The following DLGAP2 variants were observed in gnomAD, a reference collection of about 807,000 sequenced individuals.
DLGAP2 encodes the protein disks large-associated protein 2.
Under a neutral mutation model 100.3 loss-of-function variants are expected in DLGAP2, and 26 were observed. The observed-to-expected ratio is 0.26, with a 90% CI of 0.19 to 0.36. DLGAP2 has a LOEUF of 0.36. DLGAP2 is among the 10% of genes least tolerant of loss of function. The pLI, the probability that DLGAP2 is intolerant of heterozygous loss-of-function variation, is 1.00. For missense variants in DLGAP2, 1,858 were observed against 1,453.2 expected (o/e 1.28, Z -4.53); for synonymous variants, 886 against 630.1 (o/e 1.41, Z -6.08).
At chr8:946,044 G>T (rs952689992) in intron 2 of DLGAP2, among the ~76,000 whole-genome samples, 1 of 151,848 alleles carries the variant, frequency 6.6e-6, no homozygotes, top group Non-Finnish European at 1.5e-5. Flanking sequence ...CTGAATAGGC[G>T]TAAACTTGCC....
chr8:1,665,964 C>A (rs1798534206), intron 8 of DLGAP2, among the ~76,000 whole-genome samples: 1 of 152,208 alleles, frequency 6.6e-6, no homozygotes, highest in South Asian at 2.1e-4. Flanking sequence ...CTTGATAAAT[C>A]AGCGCTGTGA....
intron 2 of DLGAP2, among the ~76,000 whole-genome samples, chr8:1,143,723 C>A (rs954643343): frequency 2.6e-4 from 40 of 152,200 alleles, no homozygotes; most frequent in African/African-American, 8.9e-4. Flanking sequence ...TCACTGGGTG[C>A]CCTCACCTTG....
At chr8:1,107,010 C>T (rs947149376) in intron 2 of DLGAP2, among the ~76,000 whole-genome samples, 4 of 152,164 alleles carry the variant, frequency 2.6e-5, no homozygotes, top group African/African-American at 9.7e-5. Flanking sequence ...TATTAAACCG[C>T]ACCTGTATAC....
At chr8:1,486,976 C>T (rs1799250269) in intron 3 of DLGAP2, among the ~76,000 whole-genome samples, 1 of 152,162 alleles carries the variant, frequency 6.6e-6, no homozygotes, top group South Asian at 2.1e-4. Flanking sequence ...TGGGGCCCGC[C>T]AAGCTGCCAC....
chr8:1,163,962 G>A (rs999759974), intron 2 of DLGAP2, among the ~76,000 whole-genome samples: 3 of 152,216 alleles, frequency 2.0e-5, no homozygotes, highest in African/African-American at 7.2e-5. Flanking sequence ...CGCCTGCCAG[G>A]CCTCCTAGAC....
chr8:1,133,595 C>G (rs186067048), intron 2 of DLGAP2, among the ~76,000 whole-genome samples: 1 of 152,282 alleles, frequency 6.6e-6, no homozygotes, highest in East Asian at 1.9e-4. Flanking sequence ...GGCCTGGACA[C>G]AAACACTTTG....
Position 914,361 on chromosome 8 carries a change from G to T in DLGAP2, c.73+6395G>T, listed in dbSNP as rs1471335846. 2.0e-5 allele frequency among the ~76,000 whole-genome samples: 3 copies of T among 152,194 alleles called. No individual in the cohort carries two copies. The East Asian group carries it at 5.8e-4, about 29-fold the overall frequency. ...CCCAGCTAAAGAGAAAAAAAGCCAC[G>T]TTCCTCATATGCTTGAAAGGACTTC... On this transcript the variant is annotated intron_variant, in intron 2 of 14. Transcript: ENST00000637795.
chr8:1,180,636 C>A (rs573986746), intron 2 of DLGAP2, among the ~76,000 whole-genome samples: 266 of 90,856 alleles, frequency 2.9e-3, no homozygotes, highest in African/African-American at 9.7e-3. Flanking sequence ...TCAAGCGTGT[C>A]AGTGTGCAAG....
At chr8:1,538,415 C>G (rs1264079119) in intron 4 of DLGAP2, among the ~76,000 whole-genome samples, 1 of 152,202 alleles carries the variant, frequency 6.6e-6, no homozygotes, top group African/African-American at 2.4e-5. Context: ...CCCTGAGCAC[C>G]TAAGCAGAAT....
chr8:772,189 C>T (rs899617080), intron 1 of DLGAP2, among the ~76,000 whole-genome samples: 1 of 152,180 alleles, frequency 6.6e-6, no homozygotes, highest in South Asian at 2.1e-4. Context: ...GCATCAGCCA[C>T]TGTGCCCAGC....
chr8:1,664,538 A>T (rs995006237), intron 8 of DLGAP2, among the ~76,000 whole-genome samples: 4 of 152,064 alleles, frequency 2.6e-5, no homozygotes, highest in Non-Finnish European at 4.4e-5. Context: ...CGAATCTTAC[A>T]ATGTTGTATC....
chr8:1,664,071 C>T (rs1798481969), intron 8 of DLGAP2, among the ~76,000 whole-genome samples: 1 of 152,154 alleles, frequency 6.6e-6, no homozygotes, highest in African/African-American at 2.4e-5. Flanking sequence ...TGATACCAAA[C>T]CCTCCTCCAC....
intron 8 of DLGAP2, among the ~76,000 whole-genome samples, chr8:1,652,201 G>A (rs1798183050): frequency 6.6e-6 from 1 of 152,270 alleles, no homozygotes; most frequent in East Asian, 1.9e-4. Context: ...TGGGCTTTAC[G>A]CACACCGAGG....
rs375674706 is a variant in DLGAP2 at position 1,663,077 on chromosome 8, G to A, written c.1811-5252G>A. 5.3e-4 allele frequency among the ~76,000 whole-genome samples: 69 copies of A among 131,208 alleles called. 1 individual carries two copies. The highest frequency in any genetic ancestry group is 9.5e-4 in the East Asian group (4 of 4,232). The allele number at this position is 131,208 out of a possible 152,430, so 86.1% of individuals were successfully genotyped here. A position where few individuals can be genotyped will look rare whatever the true frequency, so the allele number is the denominator to read the frequency against. On this transcript the variant is annotated intron_variant, in intron 8 of 14. Coordinates refer to ENST00000637795, the MANE Select transcript of DLGAP2 (RefSeq NM_001346810.2). ...TACACATAGTGTGGGGTGTGTGTGCGTTTGTACATGTGTGTGGGGGATGTG... is the reference window on the plus strand; with the variant it reads ...TACACATAGTGTGGGGTGTGTGTGCATTTGTACATGTGTGTGGGGGATGTG...
chr8:1,655,193 T>C (rs1798256247), intron 8 of DLGAP2, among the ~76,000 whole-genome samples: 2 of 152,382 alleles, frequency 1.3e-5, no homozygotes, highest in Admixed American at 1.3e-4. Flanking sequence ...TGTATGCTTG[T>C]GGGATGTGAC....
In DLGAP2 at chr8:1,421,809, C is replaced by A. The variant is rs574813383; in HGVS notation, c.107-79557C>A. On this transcript the variant is annotated intron_variant, in intron 3 of 14. Transcript: ENST00000637795. ...TGAAACCCCGTCTCTACTATAAATACAAAAATTAGCCAGGTATGGTGGCAC... is the reference window on the plus strand; with the variant it reads ...TGAAACCCCGTCTCTACTATAAATAAAAAAATTAGCCAGGTATGGTGGCAC... 2.1e-3 allele frequency among the ~76,000 whole-genome samples: 315 copies of A among 151,926 alleles called. 1 individual carries two copies. The highest frequency in any genetic ancestry group is 1.9e-3 in the Non-Finnish European group (128 of 67,956).
intron 2 of DLGAP2, among the ~76,000 whole-genome samples, chr8:1,235,395 C>T (rs970904640): frequency 6.7e-6 from 1 of 149,618 alleles, no homozygotes; most frequent in African/African-American, 2.5e-5. Flanking sequence ...GGCGTTGTGT[C>T]TCGTTCTCTC....
At chr8:1,052,718 T>C (rs904742246) in intron 2 of DLGAP2, among the ~76,000 whole-genome samples, 1 of 152,134 alleles carries the variant, frequency 6.6e-6, no homozygotes, top group Non-Finnish European at 1.5e-5. Context: ...ATAACTCATC[T>C]GGGTAATACA....
intron 2 of DLGAP2, among the ~76,000 whole-genome samples, chr8:1,153,428 C>G (rs1362116474): frequency 1.3e-5 from 2 of 152,284 alleles, no homozygotes; most frequent in East Asian, 1.9e-4. Context: ...ACAGTTCACT[C>G]TTTCTCAGCA....
Sources: gnomAD v4.1 joint callset for allele counts (sites outside exome capture counted in the v4.1 genomes callset) on GRCh38, gnomAD v4.1.1 for gene constraint, MANE v1.5 for transcripts, NCBI Gene and HGNC (gene_info 2026-07-23, HGNC 2026-07-21) for gene names.